The following SUCO variants were observed in gnomAD, a reference collection of about 807,000 sequenced individuals.
SUCO encodes the protein SUN domain containing ossification factor, also known as SUN domain-containing ossification factor.
SUCO carries 57 observed loss-of-function variants against 148.1 expected under a neutral mutation model. The observed-to-expected ratio is 0.38, with a 90% CI of 0.31 to 0.48. The LOEUF (loss-of-function observed/expected upper bound fraction) is 0.48. Ranked by LOEUF, SUCO falls within the 20% of genes least tolerant of loss-of-function variation. SUCO has a pLI of 0.96. For missense variants in SUCO, 1,331 were observed against 1,468.2 expected (o/e 0.91, Z 1.53); for synonymous variants, 470 against 502.7 (o/e 0.93, Z 0.87).
At position 172,533,266 on chromosome 1, in the gene SUCO, G is replaced by C. The variant is rs1048713587; in HGVS notation, c.-170G>C. ...TCCGCGCCTCTGTGGGGCCCTCAGA[G>C]AGGGCTGCCAGGACGCGAGCCACTG... On this transcript the variant is annotated 5_prime_UTR_variant, in exon 1 of 24. Transcript: ENST00000263688. 10 of 1,549,248 alleles carry C rather than the reference G, an allele frequency of 6.5e-6. No homozygotes were observed. Among genetic ancestry groups the C allele is most frequent in the Non-Finnish European group, 8.7e-6 (10 of 1,146,892 alleles).
chr1:172,584,971 A>G, intron 15 of SUCO, 47 bp from the exon 16 acceptor site: 3 of 1,210,106 alleles, frequency 2.5e-6, no homozygotes, highest in Non-Finnish European at 3.6e-6. Flanking sequence ...AATTTATATT[A>G]GAATATTTAG....
chr1:172,564,360 T>C (rs57600271), intron 6 of SUCO, among the ~76,000 whole-genome samples: 5,117 of 152,280 alleles, frequency 0.034, 263 homozygotes, highest in African/African-American at 0.11. Context: ...CTGAAAGCAG[T>C]TATGGGGGCT....
intron 23 of SUCO, 87 bp downstream of exon 23, chr1:172,608,889 T>C: frequency 1.1e-6 from 1 of 873,044 alleles, no homozygotes; most frequent in Non-Finnish European, 1.9e-6. Context: ...GGTAATTACC[T>C]TTAAGTAGTC....
chr1:172,568,500 T>C, intron 6 of SUCO: 1 of 891,514 alleles, frequency 1.1e-6, no homozygotes, highest in Non-Finnish European at 1.3e-6. Flanking sequence ...ACATGATTTA[T>C]AAAGATTTTT....
chr1:172,602,594 G>C, intron 21 of SUCO, 102 bp from the exon 22 acceptor site: 1 of 1,526,306 alleles, frequency 6.6e-7, no homozygotes, highest in Non-Finnish European at 8.7e-7. Context: ...AGTCCCGTGT[G>C]GTATGTACAG....
intron 19 of SUCO, 81 bp downstream of exon 19, chr1:172,591,152 T>C (rs578217945): frequency 1.9e-6 from 2 of 1,049,648 alleles, no homozygotes; most frequent in African/African-American, 3.3e-5. Flanking sequence ...ACAGTAAGTA[T>C]TGTAGTTTCA....
intron 6 of SUCO, chr1:172,568,305 T>TTCCCCCCCCC: frequency 2.2e-6 from 2 of 905,998 alleles, no homozygotes; most frequent in Non-Finnish European, 2.6e-6. Context: ...ATTCTTTGCT[T>TTCCCCCCCCC]CCCACCCACC....
At chr1:172,555,823 A>C (rs769847445) in intron 3 of SUCO, 46 bp from the exon 4 acceptor site, 1 of 1,486,376 alleles carries the variant, frequency 6.7e-7, no homozygotes, top group Non-Finnish European at 9.2e-7. Flanking sequence ...AAGAGATGTT[A>C]TATTAATCTC....
In SUCO at chr1:172,599,955, C is replaced by G. The variant is rs1657389026; in HGVS notation, c.2914-109C>G. 5 of 718,624 alleles carry G rather than the reference C, an allele frequency of 7.0e-6. No individual in the cohort carries two copies. The East Asian group carries it at 1.2e-4, about 18-fold the overall frequency. 44.5% of individuals were successfully genotyped at this position (718,624 alleles called of 1,614,324 possible). A position where few individuals can be genotyped will look rare whatever the true frequency, so the allele number is the denominator to read the frequency against. ...TTACTCATTGAGATTCCTATTAATA[C>G]ATTTGTTTTGGAATAACTTAATGGT... On this transcript the variant is annotated intron_variant, in intron 19 of 23. Transcript: ENST00000263688.
At position 172,593,184 on chromosome 1, in the gene SUCO, TG is replaced by T. The variant is rs372900855; in HGVS notation, c.2913+2117del. ...TTAGGGAGATTTTGGGCTGAGATGATGGGGTTTTCTAAATATACAGTCATGT... is the reference window on the plus strand; with the variant it reads ...TTAGGGAGATTTTGGGCTGAGATGATGGGTTTTCTAAATATACAGTCATGT... On this transcript the variant is annotated intron_variant, in intron 19 of 23. Transcript: ENST00000263688. Among the ~76,000 whole-genome samples the T allele has an allele frequency of 2.4e-4, 37 of 152,348 alleles. No homozygotes were observed. In the East Asian group the frequency reaches 6.4e-3, roughly 26 times the overall value.
At chr1:172,596,556 A>C (rs1657112724) in intron 19 of SUCO, among the ~76,000 whole-genome samples, 1 of 152,192 alleles carries the variant, frequency 6.6e-6, no homozygotes, top group Non-Finnish European at 1.5e-5. Flanking sequence ...GTCCACTCCA[A>C]ACCCTGTTTG....
Position 172,569,158 on chromosome 1 carries a change from A to G in SUCO, c.856+16A>G. The G allele has an allele frequency of 6.6e-7, 1 of 1,517,992 alleles. No individual in the cohort carries two copies. 94.0% of individuals were successfully genotyped at this position (1,517,992 alleles called of 1,614,324 possible). A position where few individuals can be genotyped will look rare whatever the true frequency, so the allele number is the denominator to read the frequency against. The stretch of plus-strand genomic sequence containing the variant: ...AAAGAAAAAAGTAAGGAAGTATTTG[A>G]GTTCTTTAAATTTTTTTTTTAAGTA... On this transcript the variant is annotated intron_variant, in intron 7 of 23. Coordinates refer to ENST00000263688, the MANE Select transcript of SUCO (RefSeq NM_014283.5).
At chr1:172,602,257 A>G in intron 21 of SUCO, 39 bp downstream of exon 21, 1 of 1,507,412 alleles carries the variant, frequency 6.6e-7, no homozygotes, top group South Asian at 1.3e-5. Context: ...TATTTTTTTT[A>G]CTATGCTTTG....
intron 23 of SUCO, chr1:172,609,545 G>A: frequency 1.0e-6 from 1 of 981,852 alleles, no homozygotes; most frequent in Non-Finnish European, 1.2e-6. Flanking sequence ...GCAGTTAGTA[G>A]GTATTCAGAT....
chr1:172,586,479 A>G (rs1267217130), intron 17 of SUCO, among the ~76,000 whole-genome samples: 4 of 152,144 alleles, frequency 2.6e-5, no homozygotes, highest in Non-Finnish European at 5.9e-5. Context: ...CTAAATAGGT[A>G]ATAGATATAT....
intron 15 of SUCO, chr1:172,584,365 G>C: frequency 1.1e-6 from 1 of 948,718 alleles, no homozygotes; most frequent in Non-Finnish European, 1.3e-6. Flanking sequence ...TAAGAATTTT[G>C]GTCATCACAT....
Position 172,589,499 on chromosome 1 carries a change from A to G in SUCO, c.2398A>G (p.Asn800Asp). The change falls in exon 18 of 24, where the codon AAT (asparagine) becomes GAT (aspartate). Residue 800 changes from asparagine to aspartate, a missense_variant. Around this residue, in one of 3 missense-constraint regions of SUCO, gnomAD observed 992 missense variants for 1,093.5 expected, o/e 0.91. Transcript: ENST00000263688. ...PSITYETNKVNELMDNIIKED... is the reference protein window; with the variant it reads ...PSITYETNKVDELMDNIIKED... ...TATTACCTATGAAACAAATAAAGTT[A>G]ATGAGTTAATGGATAATATTATAAA... The G allele has an allele frequency of 6.2e-7, 1 of 1,611,808 alleles. No homozygotes were observed. Among genetic ancestry groups the G allele is most frequent in the Non-Finnish European group, 8.5e-7 (1 of 1,179,112 alleles).
At position 172,606,053 on chromosome 1, in the gene SUCO, A is replaced by G. The variant is rs1448992328; in HGVS notation, c.3266-2694A>G. Among the ~76,000 whole-genome samples, 6 of 151,642 alleles carry G rather than the reference A, an allele frequency of 4.0e-5. No individual in the cohort carries two copies. In the South Asian group the frequency reaches 8.3e-4, roughly 21 times the overall value. ...ATTTTTAATGTTACAAACATGAATT[A>G]TATTAGATTTTCTAATGTTAAACTT... On this transcript the variant is annotated intron_variant, in intron 22 of 23. Transcript: ENST00000263688.
At chr1:172,601,999 G>T (rs1004384911) in intron 20 of SUCO, 65 bp from the exon 21 acceptor site, 3 of 1,423,544 alleles carry the variant, frequency 2.1e-6, no homozygotes, top group Non-Finnish European at 2.8e-6. Context: ...TTGAATTTTA[G>T]ATACCCTTAT....
Sources: allele counts gnomAD v4.1 joint callset (sites outside exome capture counted in the v4.1 genomes callset), GRCh38; gene constraint gnomAD v4.1.1; regional missense constraint gnomAD v4.1.1; transcripts MANE v1.5; gene names NCBI Gene and HGNC (gene_info 2026-07-23, HGNC 2026-07-21).